GPC6: variants seen among roughly 807,000 people sequenced by gnomAD.
GPC6 encodes the protein glypican 6.
In GPC6, 14 loss-of-function variants were observed where a neutral mutation model predicts 55.2. That is an observed-to-expected ratio of 0.25 (90% CI 0.17 to 0.40). GPC6 has a LOEUF of 0.40. Among genes scored for constraint, GPC6 ranks in the 10% least tolerant of loss-of-function variants. The pLI, the probability that GPC6 is intolerant of heterozygous loss-of-function variation, is 1.00. For synonymous variants in GPC6, 278 were observed against 259.6 expected (o/e 1.07, Z -0.68); for missense variants, 641 against 708.5 (o/e 0.90, Z 1.08).
At chr13:93,669,833 G>GA (rs58206455) in intron 2 of GPC6, among the ~76,000 whole-genome samples, 43,750 of 147,838 alleles carry the variant, frequency 0.3, 8,202 homozygotes, top group Middle Eastern at 0.46. Context: ...AAAGCCTTAA[G>GA]AAAAAAAAAA....
intron 6 of GPC6, among the ~76,000 whole-genome samples, chr13:94,376,605 G>A (rs1237525792): frequency 3.3e-5 from 5 of 151,426 alleles, no homozygotes; most frequent in African/African-American, 7.3e-5. Context: ...AATCAATATC[G>A]TGAAAATGGC....
At chr13:94,067,582 GA>G (rs1482406817) in intron 4 of GPC6, among the ~76,000 whole-genome samples, 1 of 43,930 alleles carries the variant, frequency 2.3e-5, no homozygotes, top group Non-Finnish European at 5.4e-5. Context: ...ATAGATTATA[GA>G]TAGATAGATA....
intron 6 of GPC6, among the ~76,000 whole-genome samples, chr13:94,324,820 A>G (rs1427560044): frequency 6.6e-6 from 1 of 152,176 alleles, no homozygotes; most frequent in African/African-American, 2.4e-5. Context: ...GTCGTTCACC[A>G]AATACTAATA....
chr13:93,662,792 T>C (rs2139615227), intron 2 of GPC6, among the ~76,000 whole-genome samples: 1 of 152,270 alleles, frequency 6.6e-6, no homozygotes, highest in South Asian at 2.1e-4. Context: ...TTGATATTCT[T>C]CTAGGAATAA....
chr13:93,250,534 C>T (rs1388499428), intron 1 of GPC6, among the ~76,000 whole-genome samples: 1 of 152,184 alleles, frequency 6.6e-6, no homozygotes, highest in Non-Finnish European at 1.5e-5. Flanking sequence ...CCACCTCCAG[C>T]CTTGATCACT....
intron 1 of GPC6, among the ~76,000 whole-genome samples, chr13:93,439,362 AGTTCTCATGTGCT>A (rs1486468709): frequency 4.6e-5 from 7 of 152,034 alleles, no homozygotes; most frequent in African/African-American, 7.2e-5. Flanking sequence ...GAATCATGGG[AGTTCTCATGTGCT>A]GTTCTCATGA....
At chr13:94,370,355 T>C (rs1041422914) in intron 6 of GPC6, among the ~76,000 whole-genome samples, 2 of 152,212 alleles carry the variant, frequency 1.3e-5, no homozygotes, top group Non-Finnish European at 2.9e-5. Context: ...TGTGCTCCCA[T>C]AGCCCTTTGC....
chr13:94,202,574 C>T (rs771765698), intron 4 of GPC6, among the ~76,000 whole-genome samples: 4 of 152,144 alleles, frequency 2.6e-5, no homozygotes, highest in Admixed American at 6.5e-5. Flanking sequence ...TATCTCCCAC[C>T]GGGTCCCTCC....
intron 2 of GPC6, among the ~76,000 whole-genome samples, chr13:93,632,467 A>G (rs1879489602): frequency 2.0e-5 from 3 of 151,726 alleles, no homozygotes. Flanking sequence ...AAATTAGCCC[A>G]GCATGGTGGT....
At chr13:93,883,974 T>C (rs1875159011) in intron 3 of GPC6, among the ~76,000 whole-genome samples, 2 of 152,170 alleles carry the variant, frequency 1.3e-5, no homozygotes, top group Admixed American at 6.6e-5. Context: ...TAAACTTAAA[T>C]TGTTACATAT....
In GPC6 at chr13:93,857,358, G is replaced by A. The variant is rs374913318; in HGVS notation, c.711+26813G>A. On this transcript the variant is annotated intron_variant, in intron 3 of 8. Transcript: ENST00000377047. The stretch of plus-strand genomic sequence containing the variant: ...AAATGGTCAGCTATGTCAACCCATT[G>A]TGAATTCTATAGATAGCTCAAGTTT... Among the ~76,000 whole-genome samples the A allele has an allele frequency of 4.6e-5, 7 of 151,676 alleles. No homozygotes were observed. In the East Asian group the frequency reaches 1.4e-3, roughly 30 times the overall value.
intron 3 of GPC6, among the ~76,000 whole-genome samples, chr13:94,012,607 T>A (rs974713132): frequency 1.3e-5 from 2 of 152,236 alleles, no homozygotes; most frequent in Non-Finnish European, 2.9e-5. Flanking sequence ...GTTGTGTCCG[T>A]GCATGTTCCT....
intron 1 of GPC6, among the ~76,000 whole-genome samples, chr13:93,524,158 C>A (rs1881557628): frequency 6.6e-6 from 1 of 151,974 alleles, no homozygotes; most frequent in Admixed American, 6.6e-5. Context: ...AAATACCCAA[C>A]TCTTTCAGGC....
intron 4 of GPC6, among the ~76,000 whole-genome samples, chr13:94,055,145 A>G (rs1884087758): frequency 6.6e-6 from 1 of 152,164 alleles, no homozygotes; most frequent in African/African-American, 2.4e-5. Flanking sequence ...TTAGCCCCAC[A>G]CCTAGGTGAG....
At chr13:93,539,938 G>T (rs1882221163) in intron 1 of GPC6, among the ~76,000 whole-genome samples, 1 of 152,104 alleles carries the variant, frequency 6.6e-6, no homozygotes, top group Admixed American at 6.6e-5. Flanking sequence ...TGATGTGCCT[G>T]CCTTGGCCTT....
At chr13:93,338,196 G>A (rs1880112203) in intron 1 of GPC6, among the ~76,000 whole-genome samples, 1 of 152,150 alleles carries the variant, frequency 6.6e-6, no homozygotes, top group Admixed American at 6.5e-5. Flanking sequence ...ATTATCCCCG[G>A]TGAGTTGAAT....
chr13:93,611,709 T>G (rs1878468385), intron 2 of GPC6, among the ~76,000 whole-genome samples: 1 of 152,202 alleles, frequency 6.6e-6, no homozygotes, highest in African/African-American at 2.4e-5. Flanking sequence ...TTTGTTGTTG[T>G]TTATCTCCTT....
chr13:93,757,354 C>A (rs1884807566), intron 2 of GPC6, among the ~76,000 whole-genome samples: 2 of 152,112 alleles, frequency 1.3e-5, no homozygotes, highest in South Asian at 2.1e-4. Flanking sequence ...GGCATCCGGG[C>A]CTTTGAGCCT....
chr13:93,303,738 C>T (rs1249666680), intron 1 of GPC6, among the ~76,000 whole-genome samples: 1 of 152,102 alleles, frequency 6.6e-6, no homozygotes, highest in African/African-American at 2.4e-5. Context: ...ATTCCGGCCT[C>T]ATTTTCTCAT....
Sources: gnomAD v4.1 joint callset for allele counts (sites outside exome capture counted in the v4.1 genomes callset) on GRCh38, gnomAD v4.1.1 for gene constraint, MANE v1.5 for transcripts, NCBI Gene and HGNC (gene_info 2026-07-23, HGNC 2026-07-21) for gene names.